BBOX1: variants seen among roughly 807,000 people sequenced by gnomAD.
The protein encoded by BBOX1 is gamma-butyrobetaine hydroxylase 1.
In BBOX1, 35 loss-of-function variants were observed where a neutral mutation model predicts 41.6. The ratio of observed to expected loss-of-function variants is 0.84; its 90% CI spans 0.64 to 1.11. The LOEUF is 1.11. Ranked by LOEUF, BBOX1 falls within the 50% of genes most tolerant of loss-of-function variation. The pLI, the probability that BBOX1 is intolerant of heterozygous loss-of-function variation, is 0.00. For synonymous variants in BBOX1, 163 were observed against 154.7 expected, an observed-to-expected ratio of 1.05 and a Z score of -0.40; for missense variants, 458 against 460.6, an observed-to-expected ratio of 0.99 and a Z score of 0.05.
At chr11:27,093,091 AG>A in intron 4 of BBOX1, 76 bp from the exon 5 acceptor site, 1 of 1,355,608 alleles carries the variant, frequency 7.4e-7, no homozygotes, top group Non-Finnish European at 1.0e-6. Flanking sequence ...TTAATGAACT[AG>A]CCCCTTCTCT....
At chr11:27,085,545 A>G (rs1858003073) in intron 4 of BBOX1, among the ~76,000 whole-genome samples, 1 of 137,268 alleles carries the variant, frequency 7.3e-6, no homozygotes, top group Admixed American at 7.6e-5. Flanking sequence ...CTGTCCAGCC[A>G]CATTCCCCCA....
At chr11:27,087,330 C>A (rs1858080769) in intron 4 of BBOX1, among the ~76,000 whole-genome samples, 2 of 152,074 alleles carry the variant, frequency 1.3e-5, no homozygotes, top group South Asian at 4.1e-4. Context: ...CCAGCCCTCA[C>A]CAACTTCCAC....
chr11:27,086,075 A>G (rs558013541), intron 4 of BBOX1, among the ~76,000 whole-genome samples: 2 of 152,274 alleles, frequency 1.3e-5, no homozygotes, highest in African/African-American at 4.8e-5. Flanking sequence ...AGGTTTAAGG[A>G]AAGAAGTTTT....
chr11:27,070,411 C>T (rs759423320), intron 4 of BBOX1, among the ~76,000 whole-genome samples: 1 of 152,036 alleles, frequency 6.6e-6, no homozygotes, highest in Non-Finnish European at 1.5e-5. Flanking sequence ...TTAGGTCTAA[C>T]AGTAATTGTT....
At chr11:27,106,657 T>A (rs1858880046) in intron 5 of BBOX1, among the ~76,000 whole-genome samples, 1 of 152,100 alleles carries the variant, frequency 6.6e-6, no homozygotes. Flanking sequence ...AACACCCCAC[T>A]GTCAACATTA....
intron 3 of BBOX1, 103 bp downstream of exon 3, chr11:27,055,752 A>C (rs1856961006): frequency 1.8e-6 from 2 of 1,087,034 alleles, no homozygotes; most frequent in Non-Finnish European, 2.6e-6. Flanking sequence ...CGCATATATA[A>C]CCGCATATGA....
At chr11:27,063,888 T>A (rs1303365338) in intron 4 of BBOX1, among the ~76,000 whole-genome samples, 4 of 152,196 alleles carry the variant, frequency 2.6e-5, no homozygotes, top group Non-Finnish European at 5.9e-5. Context: ...CTTCCTTTCT[T>A]GCAGAGAACC....
chr11:27,127,127 G>C (rs1354983441), intron 8 of BBOX1, among the ~76,000 whole-genome samples, 166 bp from the exon 9 acceptor site: 1 of 152,180 alleles, frequency 6.6e-6, no homozygotes, highest in Non-Finnish European at 1.5e-5. Flanking sequence ...TTTGCATCCA[G>C]TGGCCTGATT....
Position 27,077,997 on chromosome 11 carries a change from T to C in BBOX1, c.335-15171T>C, listed in dbSNP as rs1263426475. On this transcript the variant is annotated intron_variant, in intron 4 of 8. Coordinates refer to ENST00000263182, the MANE Select transcript of BBOX1 (RefSeq NM_003986.3). ...CTCATTGCCTACAGAATAAAATTCT[T>C]CACTGGGGCTTTCCAATCCTCCCAC... 2.0e-5 allele frequency among the ~76,000 whole-genome samples: 3 copies of C among 152,070 alleles called. No homozygotes were observed. In the East Asian group the frequency reaches 5.8e-4, roughly 29 times the overall value.
intron 5 of BBOX1, among the ~76,000 whole-genome samples, chr11:27,102,961 C>G (rs1858716722): frequency 6.6e-6 from 1 of 152,060 alleles, no homozygotes; most frequent in South Asian, 2.1e-4. Flanking sequence ...GAGGCTGAGG[C>G]AGGTGGATCA....
At chr11:27,078,731 A>G (rs1278172584) in intron 4 of BBOX1, among the ~76,000 whole-genome samples, 1 of 152,208 alleles carries the variant, frequency 6.6e-6, no homozygotes, top group Non-Finnish European at 1.5e-5. Flanking sequence ...AGAGTGCACT[A>G]TATCAAGAAA....
At chr11:27,106,654 C>T (rs1858879961) in intron 5 of BBOX1, among the ~76,000 whole-genome samples, 2 of 152,058 alleles carry the variant, frequency 1.3e-5, no homozygotes, top group Non-Finnish European at 2.9e-5. Context: ...TTTAACACCC[C>T]ACTGTCAACA....
rs372164912 is a variant in BBOX1 at position 27,127,302 on chromosome 11, T to C, written c.1013T>C (p.Ile338Thr). The change falls in exon 9 of 9, where the codon ATT becomes ACT. Residue 338 changes from isoleucine (I) to threonine (T), a missense_variant. Physicochemically the swap from Ile to Thr is moderately conservative, Grantham distance 89 (BLOSUM62 -1). Coordinates refer to ENST00000263182, the MANE Select transcript of BBOX1 (RefSeq NM_003986.3). Reference sequence around the variant, plus strand: ...AAAATCTTTTCTTTAGGTGATGTGATTACTTTTGATAACTGGCGCTTACTT... The same window carrying C: ...AAAATCTTTTCTTTAGGTGATGTGACTACTTTTGATAACTGGCGCTTACTT... ...FTFKMNPGDV[I>T]TFDNWRLLHG... 8 of 1,613,692 alleles carry C rather than the reference T, an allele frequency of 5.0e-6. No individual in the cohort carries two copies. The highest frequency in any genetic ancestry group is 5.1e-6 in the Non-Finnish European group (6 of 1,179,912).
chr11:27,059,803 T>C (rs1476821410), intron 4 of BBOX1, among the ~76,000 whole-genome samples: 1 of 152,160 alleles, frequency 6.6e-6, no homozygotes, highest in Non-Finnish European at 1.5e-5. Context: ...GGCCCTGTAC[T>C]CCCCTTTCTT....
chr11:27,041,192 T>C (rs199685296), intron 1 of BBOX1, 24 bp from the exon 2 acceptor site: 1 of 102,252 alleles, frequency 9.8e-6, no homozygotes, highest in Admixed American at 9.6e-5. Context: ...TTCTTTTTTT[T>C]TTTTTTTTTT....
intron 2 of BBOX1, among the ~76,000 whole-genome samples, chr11:27,043,909 T>C (rs958222648): frequency 1.3e-5 from 2 of 152,240 alleles, no homozygotes; most frequent in African/African-American, 2.4e-5. Flanking sequence ...AACATACATG[T>C]GCACGTGTCT....
chr11:27,087,772 C>A (rs1374239012), intron 4 of BBOX1, among the ~76,000 whole-genome samples: 1 of 152,060 alleles, frequency 6.6e-6, no homozygotes, highest in Non-Finnish European at 1.5e-5. Flanking sequence ...TACACAGGTT[C>A]TAATGGGCTA....
In BBOX1 at chr11:27,057,390, G is replaced by C. The variant is rs1223756584; in HGVS notation, c.334+75G>C. The C allele has an allele frequency of 5.8e-6, 7 of 1,211,836 alleles. No homozygotes were observed. In the Admixed American group the frequency reaches 1.6e-4, roughly 28 times the overall value. The allele number at this position is 1,211,836 out of a possible 1,614,324, so 75.1% of individuals were successfully genotyped here. A position where few individuals can be genotyped will look rare whatever the true frequency, so the allele number is the denominator to read the frequency against. ...ATTTTTATTAAGAAATTTGCTCACA[G>C]AAAATTCAAACCTTTGTGCTTTGAT... On this transcript the variant is annotated intron_variant, in intron 4 of 8. Coordinates refer to ENST00000263182, the MANE Select transcript of BBOX1 (RefSeq NM_003986.3).
chr11:27,106,149 A>G (rs1477347931), intron 5 of BBOX1, among the ~76,000 whole-genome samples: 2 of 152,162 alleles, frequency 1.3e-5, no homozygotes, highest in African/African-American at 4.8e-5. Context: ...GCACAATTGT[A>G]AAGACCATCG....
Sources: allele counts gnomAD v4.1 joint callset (sites outside exome capture counted in the v4.1 genomes callset), GRCh38; gene constraint gnomAD v4.1.1; transcripts MANE v1.5; gene names NCBI Gene and HGNC (gene_info 2026-07-23, HGNC 2026-07-21).